Variants in ITPR2 observed in about 807,000 individuals in gnomAD.
ITPR2 encodes inositol 1,4,5-trisphosphate-gated calcium channel ITPR2.
Under a neutral mutation model 317.1 loss-of-function variants are expected in ITPR2, and 207 were observed. The ratio of observed to expected loss-of-function variants is 0.65; its 90% CI spans 0.58 to 0.73. ITPR2 has a LOEUF of 0.73. Among genes scored for constraint, ITPR2 ranks in the 30% least tolerant of loss-of-function variants. ITPR2 has a pLI of 0.00. For missense variants in ITPR2, 2,613 were observed against 3,284.0 expected (o/e 0.80, Z 4.99); for synonymous variants, 1,156 against 1,149.1 (o/e 1.01, Z -0.12).
chr12:26,545,172 T>C (rs905299), intron 37 of ITPR2, among the ~76,000 whole-genome samples: 126,477 of 152,090 alleles, frequency 0.83, 52,839 homozygotes, highest in Non-Finnish European at 0.88. Context: ...GATGCACATG[T>C]CCTCATGATC....
intron 37 of ITPR2, among the ~76,000 whole-genome samples, chr12:26,506,195 C>T (rs1160484746): frequency 7.4e-6 from 1 of 134,580 alleles, no homozygotes; most frequent in Non-Finnish European, 1.7e-5. Context: ...ATAGGGAGAC[C>T]TCTTCTCTAC....
chr12:26,405,583 T>C (rs766284826), intron 52 of ITPR2, among the ~76,000 whole-genome samples: 22 of 152,238 alleles, frequency 1.4e-4, no homozygotes, highest in Non-Finnish European at 3.1e-4. Flanking sequence ...TTTTAAAAAA[T>C]ATTGGCCATG....
intron 45 of ITPR2, among the ~76,000 whole-genome samples, chr12:26,464,333 C>A (rs1942115478): frequency 6.6e-6 from 1 of 152,200 alleles, no homozygotes; most frequent in African/African-American, 2.4e-5. Flanking sequence ...GAGACAGTAA[C>A]AGATCATCAT....
chr12:26,481,046 G>T, intron 43 of ITPR2, 85 bp downstream of exon 43: 1 of 716,744 alleles, frequency 1.4e-6, no homozygotes, highest in Non-Finnish European at 2.4e-6. Context: ...TTGAAAACAT[G>T]ATAATATGCT....
rs1948892003 is a variant in ITPR2 at position 26,724,751 on chromosome 12, T to G, written c.280-9A>C. 6.3e-7 allele frequency: 1 copy of G among 1,587,776 alleles called. No homozygotes were observed. Among genetic ancestry groups the G allele is most frequent in the East Asian group, 2.2e-5 (1 of 44,604 alleles). On this transcript the variant is annotated splice_polypyrimidine_tract_variant and intron_variant, in intron 3 of 56. Transcript: ENST00000381340. Reference sequence around the variant, plus strand: ...TCCAGTTCTGCAGCGTGCTATAAGATGATTATCAAATATTCAGTGTAGAAA... The same window carrying G: ...TCCAGTTCTGCAGCGTGCTATAAGAGGATTATCAAATATTCAGTGTAGAAA...
At chr12:26,489,459 C>T (rs1373454750) in intron 39 of ITPR2, among the ~76,000 whole-genome samples, 2 of 152,174 alleles carry the variant, frequency 1.3e-5, no homozygotes, top group African/African-American at 4.8e-5. Flanking sequence ...AATCTGGAGC[C>T]AGACTGCATC....
intron 1 of ITPR2, among the ~76,000 whole-genome samples, chr12:26,823,527 T>C (rs1187243387): frequency 6.6e-6 from 1 of 152,214 alleles, no homozygotes; most frequent in African/African-American, 2.4e-5. Context: ...TTTACACATA[T>C]TGCCCGGCAC....
At chr12:26,693,154 A>C (rs944257071) in intron 10 of ITPR2, among the ~76,000 whole-genome samples, 16 of 152,238 alleles carry the variant, frequency 1.1e-4, no homozygotes, top group African/African-American at 3.6e-4. Context: ...CTGAGATGAC[A>C]GATGAGACTC....
At chr12:26,507,863 CTGTG>C (rs1555144092) in intron 37 of ITPR2, among the ~76,000 whole-genome samples, 92 of 132,264 alleles carry the variant, frequency 7.0e-4, no homozygotes, top group Middle Eastern at 4.5e-3. Flanking sequence ...CTCTCTGTCT[CTGTG>C]TGTGTGTGTG....
At chr12:26,764,596 A>G (rs149030861) in intron 2 of ITPR2, among the ~76,000 whole-genome samples, 2,174 of 152,192 alleles carry the variant, frequency 0.014, 55 homozygotes, top group African/African-American at 0.05. Context: ...CTGCACATGT[A>G]TCCCAGAACT....
intron 21 of ITPR2, among the ~76,000 whole-genome samples, chr12:26,632,823 T>C (rs1238035714): frequency 2.0e-5 from 3 of 152,234 alleles, no homozygotes; most frequent in African/African-American, 7.2e-5. Context: ...TAAAATGTCA[T>C]CATTCGTATC....
At chr12:26,490,043 C>A (rs1012264133) in intron 39 of ITPR2, among the ~76,000 whole-genome samples, 2 of 152,100 alleles carry the variant, frequency 1.3e-5, no homozygotes, top group Admixed American at 6.6e-5. Flanking sequence ...GAAGGCTGGT[C>A]CTTATTGTCA....
At chr12:26,601,882 A>G (rs1169480826) in intron 28 of ITPR2, among the ~76,000 whole-genome samples, 1 of 152,206 alleles carries the variant, frequency 6.6e-6, no homozygotes, top group Non-Finnish European at 1.5e-5. Flanking sequence ...AGACGAACAC[A>G]GCATCACTCC....
chr12:26,429,281 T>C (rs1439286704), intron 48 of ITPR2, among the ~76,000 whole-genome samples: 4 of 152,242 alleles, frequency 2.6e-5, no homozygotes, highest in Non-Finnish European at 4.4e-5. Context: ...CTTATCATGC[T>C]GTCTCTGAAA....
intron 42 of ITPR2, among the ~76,000 whole-genome samples, chr12:26,481,665 T>C (rs1055523248): frequency 1.3e-5 from 2 of 152,240 alleles, no homozygotes; most frequent in Non-Finnish European, 2.9e-5. Flanking sequence ...ACCTGAGATT[T>C]GTAGGCAAAT....
chr12:26,780,155 C>T (rs1452462924), intron 2 of ITPR2, among the ~76,000 whole-genome samples: 1 of 152,198 alleles, frequency 6.6e-6, no homozygotes, highest in Non-Finnish European at 1.5e-5. Context: ...GACTTCCACT[C>T]GCCAAGGCTG....
intron 55 of ITPR2, among the ~76,000 whole-genome samples, chr12:26,349,490 A>C (rs1938413092): frequency 6.6e-6 from 1 of 152,270 alleles, no homozygotes; most frequent in South Asian, 2.1e-4. Context: ...GCAAAGCAAC[A>C]AATCCCTTCA....
At chr12:26,804,595 A>G (rs528584913) in intron 1 of ITPR2, among the ~76,000 whole-genome samples, 18 of 152,314 alleles carry the variant, frequency 1.2e-4, no homozygotes, top group African/African-American at 4.3e-4. Flanking sequence ...ATTAAATTAA[A>G]TCATTTCCCT....
chr12:26,813,613 A>T (rs1040634266), intron 1 of ITPR2, among the ~76,000 whole-genome samples: 2 of 152,064 alleles, frequency 1.3e-5, no homozygotes, highest in African/African-American at 4.8e-5. Flanking sequence ...TTGACCCCTC[A>T]CCATTACCCC....
Sources: gnomAD v4.1 joint callset for allele counts (sites outside exome capture counted in the v4.1 genomes callset) on GRCh38, gnomAD v4.1.1 for gene constraint, MANE v1.5 for transcripts, NCBI Gene and HGNC (gene_info 2026-07-23, HGNC 2026-07-21) for gene names.